Variants in PRKN observed in about 807,000 individuals in gnomAD.
PRKN encodes the protein E3 ubiquitin-protein ligase parkin.
In PRKN, 56 loss-of-function variants were observed where a neutral mutation model predicts 59.5. That is an observed-to-expected ratio of 0.94 (90% CI 0.76 to 1.18). The LOEUF (loss-of-function observed/expected upper bound fraction) is 1.18. Among genes scored for constraint, PRKN ranks in the 50% most tolerant of loss-of-function variants. The pLI, the probability that PRKN is intolerant of heterozygous loss-of-function variation, is 0.00. For synonymous variants in PRKN, 250 were observed against 222.1 expected, an observed-to-expected ratio of 1.13 and a Z score of -1.12; for missense variants, 657 against 596.4, an observed-to-expected ratio of 1.10 and a Z score of -1.06.
intron 4 of PRKN, among the ~76,000 whole-genome samples, chr6:162,109,949 T>G (rs947139093): frequency 1.3e-5 from 2 of 152,324 alleles, no homozygotes; most frequent in Middle Eastern, 3.4e-3. Flanking sequence ...CATATGCCAA[T>G]TGCATACCAT....
intron 2 of PRKN, among the ~76,000 whole-genome samples, chr6:162,332,922 A>T (rs1248111776): frequency 4.6e-5 from 7 of 151,924 alleles, no homozygotes; most frequent in African/African-American, 9.7e-5. Context: ...TTTCTATGAA[A>T]TTTTTTCCTT....
At chr6:162,618,457 T>C (rs114158497) in intron 1 of PRKN, among the ~76,000 whole-genome samples, 1,734 of 152,258 alleles carry the variant, frequency 0.011, 38 homozygotes, top group African/African-American at 0.04. Flanking sequence ...ATTTTATAAA[T>C]TTATACAATT....
chr6:161,982,310 G>C (rs545046843), intron 5 of PRKN, among the ~76,000 whole-genome samples: 1 of 125,132 alleles, frequency 8.0e-6, no homozygotes, highest in Non-Finnish European at 1.7e-5. Context: ...AATCAATATC[G>C]TGAAAATGGC....
chr6:162,037,407 G>A (rs1268110092), intron 5 of PRKN, among the ~76,000 whole-genome samples: 11 of 152,108 alleles, frequency 7.2e-5, no homozygotes, highest in Admixed American at 7.2e-4. Flanking sequence ...ACAAAAACAG[G>A]TGTATGTGTA....
intron 7 of PRKN, among the ~76,000 whole-genome samples, chr6:161,719,133 C>T (rs1787113355): frequency 1.3e-5 from 2 of 152,068 alleles, no homozygotes; most frequent in Non-Finnish European, 2.9e-5. Flanking sequence ...AATCACCCCT[C>T]ATCGCCTAGC....
chr6:162,451,489 C>T (rs1426986779), intron 1 of PRKN, among the ~76,000 whole-genome samples: 1 of 151,656 alleles, frequency 6.6e-6, no homozygotes, highest in East Asian at 1.9e-4. Flanking sequence ...TTTTGGGAGG[C>T]CCACACGGGC....
intron 6 of PRKN, among the ~76,000 whole-genome samples, chr6:161,963,255 C>A (rs750505926): frequency 6.6e-6 from 1 of 152,202 alleles, no homozygotes; most frequent in Admixed American, 6.5e-5. Flanking sequence ...CTAACGGATA[C>A]AAAATTGGTC....
rs1490816369 is a variant in PRKN, at chr6:161,429,444, CGGAGAAAT to C, written c.1084-42575_1084-42568del. On this transcript the variant is annotated intron_variant, in intron 9 of 11. Coordinates refer to ENST00000366898, the MANE Select transcript of PRKN (RefSeq NM_004562.3). The surrounding 1 kb of genome is among the most constrained non-coding windows in gnomAD (Gnocchi z 4.2). ...CCTGGGGAGCCATGGTTAAGAGGGACGGAGAAATAACACGAATGTGGTGAGGCAGGGTG... is the reference window on the plus strand; with the variant it reads ...CCTGGGGAGCCATGGTTAAGAGGGACAACACGAATGTGGTGAGGCAGGGTG... 6.6e-6 allele frequency among the ~76,000 whole-genome samples: 1 copy of C among 152,038 alleles called. No individual in the cohort carries two copies. The highest frequency in any genetic ancestry group is 1.5e-5 in the Non-Finnish European group (1 of 68,028).
intron 2 of PRKN, among the ~76,000 whole-genome samples, chr6:162,354,491 A>C (rs1425232917): frequency 6.6e-6 from 1 of 152,042 alleles, no homozygotes; most frequent in Non-Finnish European, 1.5e-5. Context: ...CAGAATCACA[A>C]AATGTACTTT....
chr6:161,964,208 A>AT (rs1780492871), intron 6 of PRKN, among the ~76,000 whole-genome samples: 1 of 151,954 alleles, frequency 6.6e-6, no homozygotes, highest in South Asian at 2.1e-4. Flanking sequence ...ATCAGATGTA[A>AT]TTTTTTTAAT....
At chr6:162,114,465 C>T (rs1780580200) in intron 4 of PRKN, among the ~76,000 whole-genome samples, 1 of 151,606 alleles carries the variant, frequency 6.6e-6, no homozygotes, top group African/African-American at 2.4e-5. Context: ...GTATTTTATT[C>T]TCTTTGAAGC....
rs1371232422 is a variant in PRKN, at chr6:161,592,787, AG to A, written c.872-23372del. 3.9e-5 allele frequency among the ~76,000 whole-genome samples: 6 copies of A among 152,228 alleles called. No homozygotes were observed. In the South Asian group the frequency reaches 6.2e-4, roughly 16 times the overall value. On this transcript the variant is annotated intron_variant, in intron 7 of 11. Transcript: ENST00000366898. This position sits in a 1 kb window ranked among gnomAD's most constrained non-coding sequence, Gnocchi z 4.8. ...ACGAGGGAACACAAGCAGAGCAGAC[AG>A]GTCTGCGGGCCAGGGTGCCGCCAGG...
At chr6:161,469,547 A>AAGAGAG (rs60364166) in intron 9 of PRKN, among the ~76,000 whole-genome samples, 7 of 117,822 alleles carry the variant, frequency 5.9e-5, no homozygotes, top group South Asian at 2.6e-4. Flanking sequence ...GAACAAGAGA[A>AAGAGAG]AGAGAGAGAG....
intron 1 of PRKN, among the ~76,000 whole-genome samples, chr6:162,698,846 A>T (rs1230521299): frequency 6.6e-6 from 1 of 152,168 alleles, no homozygotes; most frequent in Admixed American, 6.5e-5. Context: ...AAATTTCACT[A>T]CTGAGCCCCA....
intron 3 of PRKN, among the ~76,000 whole-genome samples, chr6:162,222,838 CTTTTT>C (rs574994617): frequency 6.6e-6 from 1 of 151,640 alleles, no homozygotes; most frequent in South Asian, 2.1e-4. Context: ...TGTTAGTTTT[CTTTTT>C]TTTAATTTTA....
At chr6:161,977,541 G>GTTTTTTTTTTTT (rs1562433349) in intron 5 of PRKN, among the ~76,000 whole-genome samples, 6 of 98,708 alleles carry the variant, frequency 6.1e-5, no homozygotes, top group African/African-American at 2.3e-4. Context: ...CTGTTTTTTT[G>GTTTTTTTTTTTT]GTTTTTTTTT....
intron 1 of PRKN, among the ~76,000 whole-genome samples, chr6:162,590,332 A>G (rs1781251245): frequency 6.6e-6 from 1 of 152,240 alleles, no homozygotes; most frequent in Non-Finnish European, 1.5e-5. Flanking sequence ...AAAAGAAAGT[A>G]TCTGAGAGAA....
intron 1 of PRKN, among the ~76,000 whole-genome samples, chr6:162,494,708 T>C (rs1186787611): frequency 6.6e-6 from 1 of 152,214 alleles, no homozygotes; most frequent in African/African-American, 2.4e-5. Flanking sequence ...AATGTAAAGT[T>C]GGCATGGAAT....
chr6:161,516,375 G>A (rs1375291970), intron 9 of PRKN, among the ~76,000 whole-genome samples: 1 of 149,508 alleles, frequency 6.7e-6, no homozygotes, highest in Non-Finnish European at 1.5e-5. Context: ...GCTAAGGTAG[G>A]AGAATTGATT....
Sources: gnomAD v4.1 joint callset for allele counts (sites outside exome capture counted in the v4.1 genomes callset) on GRCh38, gnomAD v4.1.1 for gene constraint, Gnocchi (gnomAD v3.1) non-coding constraint, MANE v1.5 for transcripts, NCBI Gene and HGNC (gene_info 2026-07-23, HGNC 2026-07-21) for gene names.